BUD23: variants seen among roughly 807,000 people sequenced by gnomAD.
BUD23 encodes the protein 18S rRNA (guanine-N(7))-methyltransferase.
In BUD23, 34 loss-of-function variants were observed where a neutral mutation model predicts 47.0. That is an observed-to-expected ratio of 0.72 (90% CI 0.55 to 0.96). The LOEUF is 0.96. Among genes scored for constraint, BUD23 ranks in the 40% least tolerant of loss-of-function variants. BUD23 has a pLI of 0.00. For missense variants in BUD23, 343 were observed against 361.2 expected, an observed-to-expected ratio of 0.95 and a Z score of 0.41; for synonymous variants, 124 against 132.0, an observed-to-expected ratio of 0.94 and a Z score of 0.41.
At chr7:73,686,514 A>G (rs1797974997) in intron 2 of BUD23, 122 bp from the exon 3 acceptor site, 1 of 854,376 alleles carries the variant, frequency 1.2e-6, no homozygotes, top group Non-Finnish European at 1.9e-6. Context: ...GTACCTCGGG[A>G]TGATTGATCC....
intron 6 of BUD23, 115 bp downstream of exon 6, chr7:73,691,127 C>A: frequency 1.2e-6 from 1 of 860,276 alleles, no homozygotes; most frequent in Non-Finnish European, 1.9e-6. Flanking sequence ...TATGGGACCG[C>A]ATGGGGTGGC....
At chr7:73,688,377 C>T (rs1208961818) in intron 5 of BUD23, among the ~76,000 whole-genome samples, 3 of 152,104 alleles carry the variant, frequency 2.0e-5, no homozygotes, top group Non-Finnish European at 2.9e-5. Flanking sequence ...TCTACTATTG[C>T]GATTATTTTG....
At chr7:73,693,547 C>G in intron 8 of BUD23, 77 bp from the exon 9 acceptor site, 1 of 1,589,490 alleles carries the variant, frequency 6.3e-7, no homozygotes, top group South Asian at 1.1e-5. Context: ...GGAGGGGGTG[C>G]GGGTGGGGGA....
Position 73,698,033 on chromosome 7 carries a change from C to T in BUD23, c.*147C>T, listed in dbSNP as rs1798499975. Reference sequence around the variant, plus strand: ...TCTCTGGGCCGGGCGTGGTGGCTCACACCTGTAATCCCAGCACCTTGGGAG... The same window carrying T: ...TCTCTGGGCCGGGCGTGGTGGCTCATACCTGTAATCCCAGCACCTTGGGAG... On this transcript the variant is annotated 3_prime_UTR_variant, in exon 12 of 12. Coordinates refer to ENST00000265758, the MANE Select transcript of BUD23 (RefSeq NM_017528.5). 1 of 877,266 alleles carries T rather than the reference C, an allele frequency of 1.1e-6. No homozygotes were observed. 54.3% of individuals were successfully genotyped at this position (877,266 alleles called of 1,614,324 possible).
chr7:73,690,625 CTTTAAATT>C, intron 5 of BUD23, among the ~76,000 whole-genome samples: 1 of 152,142 alleles, frequency 6.6e-6, no homozygotes, highest in South Asian at 2.1e-4. Flanking sequence ...CTTTTTTTGT[CTTTAAATT>C]TTTAAATTTA....
chr7:73,694,916 T>A (rs1554614657), intron 10 of BUD23: 1 of 152,322 alleles, frequency 6.6e-6, no homozygotes, highest in Admixed American at 6.5e-5. Context: ...ATCTTCAGTC[T>A]CTTGCCACCT....
rs149562035 is a variant in BUD23 at position 73,691,126 on chromosome 7, G to T, written c.459+114G>T. On this transcript the variant is annotated intron_variant, in intron 6 of 11. Coordinates refer to ENST00000265758, the MANE Select transcript of BUD23 (RefSeq NM_017528.5). ...ATGGGTAAGCTACTCATATGGGACC[G>T]CATGGGGTGGCAGGACCTTACTGTG... is the stretch of plus-strand genomic sequence containing the variant. 4.3e-5 allele frequency: 37 copies of T among 852,670 alleles called. No homozygotes were observed. In the African/African-American group the frequency reaches 5.4e-4, roughly 12 times the overall value. 52.8% of individuals were successfully genotyped at this position (852,670 alleles called of 1,614,324 possible). A position where few individuals can be genotyped will look rare whatever the true frequency, so the allele number is the denominator to read the frequency against.
intron 2 of BUD23, 87 bp from the exon 3 acceptor site, chr7:73,686,549 C>CTTT (rs1167161615): frequency 8.2e-7 from 1 of 1,222,502 alleles, no homozygotes; most frequent in African/African-American, 1.5e-5. Flanking sequence ...TTTAACTTGG[C>CTTT]TTTTTTTTGT....
intron 6 of BUD23, 43 bp from the exon 7 acceptor site, chr7:73,692,553 C>G: frequency 6.2e-7 from 1 of 1,602,754 alleles, no homozygotes; most frequent in Non-Finnish European, 8.5e-7. Flanking sequence ...GCCCTAAGCT[C>G]ATGCAGTCAT....
In BUD23 at chr7:73,693,668, A is replaced by G. The variant is rs1554614415; in HGVS notation, c.641A>G (p.Glu214Gly). ...TCTGGGCCTTCGACCTTTATACCAG[A>G]GGTGAGGGACACTGGGTTTGCAGGC... ...LFSGPSTFIP[E>G]GLSENQDEVE... The change falls in exon 9 of 12, where the codon GAG becomes GGG. Residue 214 changes from glutamate (E) to glycine (G), a missense_variant and splice_region_variant. Coordinates refer to ENST00000265758, the MANE Select transcript of BUD23 (RefSeq NM_017528.5). 6.2e-7 allele frequency: 1 copy of G among 1,614,046 alleles called. No individual in the cohort carries two copies. Among genetic ancestry groups the G allele is most frequent in the East Asian group, 2.2e-5 (1 of 44,872 alleles).
In BUD23 at chr7:73,683,643, G is replaced by T; in HGVS notation, c.18G>T (p.Arg6=). The change falls in exon 1 of 12, where the codon CGG becomes CGT. Residue 6 remains arginine, a synonymous_variant. Transcript: ENST00000265758. The part of the protein sequence containing the change: MASRG[R]RPEHGGPPEL... ...GCGTGAGAATGGCGTCCCGCGGCCG[G>T]CGTCCGGAGCATGGCGGACCCCCAG... 6.2e-7 allele frequency: 1 copy of T among 1,612,152 alleles called. No homozygotes were observed.
At chr7:73,694,801 C>T (rs1344164448) in intron 10 of BUD23, 1 of 152,612 alleles carries the variant, frequency 6.6e-6, no homozygotes, top group Non-Finnish European at 1.5e-5. Context: ...GCTCCTCACT[C>T]CACTGCTGCT....
In BUD23 at chr7:73,686,909, G is replaced by A. The variant is rs1554613122; in HGVS notation, c.265+9G>A. On this transcript the variant is annotated intron_variant, in intron 4 of 11. Transcript: ENST00000265758. The stretch of plus-strand genomic sequence containing the variant: ...CAGCCCTGCCATGCTGGGTAAGTAT[G>A]TCCTGTCTGGCACCAGGGTGGATTA... 2 of 1,614,226 alleles carry A rather than the reference G, an allele frequency of 1.2e-6. No homozygotes were observed. The highest frequency in any genetic ancestry group is 1.7e-5 in the Admixed American group (1 of 60,032).
In BUD23 at chr7:73,686,557, TG is replaced by T; in HGVS notation, c.87-78del. 4 of 1,285,462 alleles carry T rather than the reference TG, an allele frequency of 3.1e-6. No homozygotes were observed. The African/African-American group carries it at 6.0e-5, about 19-fold the overall frequency. 79.6% of individuals were successfully genotyped at this position (1,285,462 alleles called of 1,614,324 possible). A position where few individuals can be genotyped will look rare whatever the true frequency, so the allele number is the denominator to read the frequency against. ...GTTTGTTTTTAACTTGGCTTTTTTT[TG>T]TTTTTTGTTTTTTGGTCTGGGGGAA... is the stretch of plus-strand genomic sequence containing the variant. On this transcript the variant is annotated intron_variant, in intron 2 of 11. Transcript: ENST00000265758.
At chr7:73,697,521 G>A in intron 10 of BUD23, 84 bp from the exon 11 acceptor site, 1 of 1,605,810 alleles carries the variant, frequency 6.2e-7, no homozygotes, top group Non-Finnish European at 8.5e-7. Context: ...TCGGAGGTAA[G>A]CTTGCCATGG....
chr7:73,690,824 G>T (rs1413315046), intron 5 of BUD23, 92 bp from the exon 6 acceptor site: 4 of 1,011,688 alleles, frequency 4.0e-6, no homozygotes, highest in Non-Finnish European at 6.1e-6. Flanking sequence ...GTTTCTCTTG[G>T]AGAGCCAGGA....
chr7:73,692,064 G>T (rs1798215217), intron 6 of BUD23, among the ~76,000 whole-genome samples: 1 of 152,100 alleles, frequency 6.6e-6, no homozygotes, highest in Non-Finnish European at 1.5e-5. Flanking sequence ...GTCTTTCCTG[G>T]GGTGAACTGC....
rs782241424 is a variant in BUD23 at position 73,683,804 on chromosome 7, AG to A, written c.86+1del. 1 of 1,614,084 alleles carries A rather than the reference AG, an allele frequency of 6.2e-7. No homozygotes were observed. Among genetic ancestry groups the A allele is most frequent in the South Asian group, 1.1e-5 (1 of 91,078 alleles). On this transcript the variant is annotated splice_donor_variant, in intron 2 of 11. Coordinates refer to ENST00000265758, the MANE Select transcript of BUD23 (RefSeq NM_017528.5). LOFTEE classifies it high-confidence loss of function. ...ACAGAAGCCCGGAAATACGTTCGCAAGTGAGGGGAGCCTGAATACTGCGGGG... is the reference window on the plus strand; with the variant it reads ...ACAGAAGCCCGGAAATACGTTCGCAATGAGGGGAGCCTGAATACTGCGGGG...
Position 73,697,877 on chromosome 7 carries a change from C to T in BUD23, c.837C>T (p.Pro279=). Residue 279 remains proline (P), a synonymous_variant, in exon 12 of 12, where the codon CCC becomes CCT. Coordinates refer to ENST00000265758, the MANE Select transcript of BUD23 (RefSeq NM_017528.5). ...AGTACACCGGCCGCAAGCGCAAGCC[C>T]CGCTTCTAAGTCACCACGCGGTTCT... ...DTQYTGRKRK[P]RF The T allele has an allele frequency of 6.2e-7, 1 of 1,613,864 alleles. No homozygotes were observed. The highest frequency in any genetic ancestry group is 8.5e-7 in the Non-Finnish European group (1 of 1,179,986).
Sources: gnomAD v4.1 joint callset for allele counts (sites outside exome capture counted in the v4.1 genomes callset) on GRCh38, gnomAD v4.1.1 for gene constraint, MANE v1.5 for transcripts, NCBI Gene and HGNC (gene_info 2026-07-23, HGNC 2026-07-21) for gene names.